The following DNAJC13 variants were observed in gnomAD, a reference collection of about 807,000 sequenced individuals.
DNAJC13 encodes DnaJ heat shock protein family (Hsp40) member C13.
Under a neutral mutation model 290.5 loss-of-function variants are expected in DNAJC13, and 75 were observed. That is an observed-to-expected ratio of 0.26 (90% CI 0.21 to 0.31). The LOEUF (loss-of-function observed/expected upper bound fraction) is 0.31, where lower values mean the gene tolerates loss of function less well. Among genes scored for constraint, DNAJC13 ranks in the 10% least tolerant of loss-of-function variants. The pLI is 1.00. For missense variants in DNAJC13, 2,260 were observed against 2,674.5 expected (o/e 0.85, Z 3.42); for synonymous variants, 862 against 892.0 (o/e 0.97, Z 0.60).
rs1933395414 is a variant in DNAJC13, at chr3:132,450,856, T to A, written c.537+9T>A. Reference sequence around the variant, plus strand: ...GAGGATTTAGTAGATTGGTAAGTACTATTTTAAAAAAAAAAAACACTTTAA... The same window carrying A: ...GAGGATTTAGTAGATTGGTAAGTACAATTTTAAAAAAAAAAAACACTTTAA... On this transcript the variant is annotated intron_variant, in intron 6 of 55. Transcript: ENST00000260818. 1 of 1,448,410 alleles carries A rather than the reference T, an allele frequency of 6.9e-7. No individual in the cohort carries two copies. Among genetic ancestry groups the A allele is most frequent in the Non-Finnish European group, 9.4e-7 (1 of 1,064,940 alleles). The allele number at this position is 1,448,410 out of a possible 1,614,324, so 89.7% of individuals were successfully genotyped here. A position where few individuals can be genotyped will look rare whatever the true frequency, so the allele number is the denominator to read the frequency against.
chr3:132,528,154 T>A (rs745626956), intron 53 of DNAJC13, 35 bp from the exon 54 acceptor site: 5 of 1,605,174 alleles, frequency 3.1e-6, no homozygotes. Flanking sequence ...TTGCATTTTT[T>A]CTGTGTGTTT....
intron 31 of DNAJC13, among the ~76,000 whole-genome samples, chr3:132,490,598 CA>C (rs1935032303): frequency 6.6e-6 from 1 of 152,176 alleles, no homozygotes; most frequent in Admixed American, 6.5e-5. Context: ...ATTACTGTTA[CA>C]CATGGTCAAA....
At position 132,500,830 on chromosome 3, in the gene DNAJC13, G is replaced by T. The variant is rs529015503; in HGVS notation, c.4453G>T (p.Ala1485Ser). 6.2e-7 allele frequency: 1 copy of T among 1,614,028 alleles called. No homozygotes were observed. The highest frequency in any genetic ancestry group is 2.2e-5 in the East Asian group (1 of 44,878). The change falls in exon 39 of 56, where the codon GCT (alanine) becomes TCT (serine). Residue 1485 changes from alanine to serine, a missense_variant. Coordinates refer to ENST00000260818, the MANE Select transcript of DNAJC13 (RefSeq NM_015268.4). ...CATAAGTAAATGCTACAGTGTGGCT[G>T]CTCAGTTTGAGGAATGCCGAGAGAA... The part of the protein sequence containing the change: ...GYISKCYSVA[A>S]QFEECREKIT...
intron 5 of DNAJC13, among the ~76,000 whole-genome samples, chr3:132,449,363 A>G (rs146879003): frequency 0.011 from 1,621 of 152,264 alleles, 38 homozygotes; most frequent in African/African-American, 0.036. Context: ...GGAGGAATGG[A>G]GAATATCCTA....
chr3:132,477,660 T>C, intron 22 of DNAJC13, 129 bp from the exon 23 acceptor site: 1 of 649,094 alleles, frequency 1.5e-6, no homozygotes, highest in Non-Finnish European at 2.6e-6. Context: ...ATAGTCATGT[T>C]AACAATATTG....
intron 20 of DNAJC13, among the ~76,000 whole-genome samples, chr3:132,469,363 C>T (rs1295402215): frequency 6.6e-6 from 1 of 152,178 alleles, no homozygotes; most frequent in East Asian, 1.9e-4. Flanking sequence ...GAAGTCAGTT[C>T]CATTTGCAGC....
At chr3:132,462,642 A>G (rs555866931) in intron 16 of DNAJC13, 119 bp downstream of exon 16, 3 of 647,952 alleles carry the variant, frequency 4.6e-6, no homozygotes, top group African/African-American at 3.8e-5. Flanking sequence ...GGGTAAGAAA[A>G]GTAATTTTAA....
chr3:132,432,527 A>C (rs765247707), intron 1 of DNAJC13, among the ~76,000 whole-genome samples: 9 of 152,186 alleles, frequency 5.9e-5, no homozygotes, highest in African/African-American at 1.2e-4. Context: ...TTTAGAGTGC[A>C]TTTCTAACTA....
rs1300021018 is a variant in DNAJC13, at chr3:132,472,352, C to T, written c.2209-793C>T. ...CTTAAGTATGTGCCTATCTCTGAAACAGGGGCCATAGCTTTCTTTGAATTC... is the reference window on the plus strand; with the variant it reads ...CTTAAGTATGTGCCTATCTCTGAAATAGGGGCCATAGCTTTCTTTGAATTC... On this transcript the variant is annotated intron_variant, in intron 20 of 55. Transcript: ENST00000260818. Among the ~76,000 whole-genome samples, 3 of 152,188 alleles carry T rather than the reference C, an allele frequency of 2.0e-5. No homozygotes were observed. In the East Asian group the frequency reaches 5.8e-4, roughly 29 times the overall value.
chr3:132,472,545 G>A (rs1046924025), intron 20 of DNAJC13: 4 of 985,000 alleles, frequency 4.1e-6, no homozygotes, highest in Non-Finnish European at 4.8e-6. Context: ...TCCTTTTTAC[G>A]ATTAAATTCA....
At chr3:132,506,541 CTTTTTTTTTTTTTTTTTT>C (rs34151394) in intron 42 of DNAJC13, among the ~76,000 whole-genome samples, 2 of 54,756 alleles carry the variant, frequency 3.7e-5, no homozygotes, top group African/African-American at 2.3e-4. Context: ...CAGTGTATTA[CTTTTTTTTTTTTTTTTTT>C]TTTTTTTTTT....
rs576764183 is a variant in DNAJC13, at chr3:132,536,236, A to G, written c.6626-1940A>G. 3.9e-5 allele frequency among the ~76,000 whole-genome samples: 6 copies of G among 152,334 alleles called. No homozygotes were observed. The East Asian group carries it at 1.2e-3, about 29-fold the overall frequency. ...AAAATACCCAGCAGTTAGCTGGATG[A>G]TGTGGCAGGCAACTGTAGTCCACAT... On this transcript the variant is annotated intron_variant, in intron 55 of 55. Transcript: ENST00000260818.
intron 45 of DNAJC13, among the ~76,000 whole-genome samples, chr3:132,513,871 T>G (rs1265545270): frequency 6.6e-6 from 1 of 152,182 alleles, no homozygotes; most frequent in Non-Finnish European, 1.5e-5. Context: ...GAACACCAAA[T>G]GCAACCCTGC....
intron 44 of DNAJC13, 36 bp from the exon 45 acceptor site, chr3:132,512,972 C>T: frequency 1.3e-6 from 2 of 1,540,586 alleles, no homozygotes; most frequent in Middle Eastern, 1.7e-4. Context: ...TTTCAAACAT[C>T]TCCTGGAAGT....
chr3:132,461,565 C>T (rs2107674043), intron 15 of DNAJC13, among the ~76,000 whole-genome samples: 1 of 152,336 alleles, frequency 6.6e-6, no homozygotes, highest in Admixed American at 6.5e-5. Context: ...GCACCTAGTA[C>T]ATTATCATAT....
At chr3:132,513,531 G>A (rs559250750) in intron 45 of DNAJC13, among the ~76,000 whole-genome samples, 9 of 152,208 alleles carry the variant, frequency 5.9e-5, no homozygotes, top group South Asian at 2.1e-4. Context: ...TCCCTCCCCC[G>A]CAGTTGAAAC....
chr3:132,493,431 T>C (rs1935127606), intron 33 of DNAJC13, among the ~76,000 whole-genome samples: 1 of 152,046 alleles, frequency 6.6e-6, no homozygotes, highest in South Asian at 2.1e-4. Flanking sequence ...CATGAGATAC[T>C]AGATACAGGC....
chr3:132,420,259 G>A (rs1938917095), intron 1 of DNAJC13, among the ~76,000 whole-genome samples: 2 of 152,190 alleles, frequency 1.3e-5, no homozygotes, highest in South Asian at 2.1e-4. Flanking sequence ...AGAGGGAGAG[G>A]AACAGCAACA....
rs559105124 is a variant in DNAJC13 at position 132,506,448 on chromosome 3, A to G, written c.4999-789A>G. On this transcript the variant is annotated intron_variant, in intron 42 of 55. Coordinates refer to ENST00000260818, the MANE Select transcript of DNAJC13 (RefSeq NM_015268.4). ...TACTTTTACATGTTATTTTAGTCCAATCTAAATTCGTTTTGGTTTCAGTCT... is the reference window on the plus strand; with the variant it reads ...TACTTTTACATGTTATTTTAGTCCAGTCTAAATTCGTTTTGGTTTCAGTCT... Among the ~76,000 whole-genome samples, 4 of 151,170 alleles carry G rather than the reference A, an allele frequency of 2.6e-5. No individual in the cohort carries two copies. The East Asian group carries it at 5.8e-4, about 22-fold the overall frequency.
Sources: gnomAD v4.1 joint callset for allele counts (sites outside exome capture counted in the v4.1 genomes callset) on GRCh38, gnomAD v4.1.1 for gene constraint, MANE v1.5 for transcripts, NCBI Gene and HGNC (gene_info 2026-07-23, HGNC 2026-07-21) for gene names.